The following TRHDE variants were observed in gnomAD, a reference collection of about 807,000 sequenced individuals.
TRHDE encodes the protein thyrotropin releasing hormone degrading enzyme.
A neutral mutation model predicts 125.7 loss-of-function variants in TRHDE; 72 were observed. The observed-to-expected ratio is 0.57, with a 90% CI of 0.47 to 0.70. The LOEUF (loss-of-function observed/expected upper bound fraction) is 0.70, where lower values mean the gene tolerates loss of function less well. TRHDE is among the 30% of genes least tolerant of loss of function. The pLI, the probability that TRHDE is intolerant of heterozygous loss-of-function variation, is 0.00. For synonymous variants in TRHDE, 509 were observed against 509.1 expected (o/e 1.00, Z 0.00); for missense variants, 1,110 against 1,327.1 (o/e 0.84, Z 2.54).
In TRHDE at chr12:72,253,297, T is replaced by C. The variant is rs117001811; in HGVS notation, n.280-124698T>C. Among the ~76,000 whole-genome samples the C allele has an allele frequency of 5.3e-3, 808 of 152,232 alleles. 4 individuals are homozygous for C. Among genetic ancestry groups the C allele is most frequent in the Middle Eastern group, 0.034 (10 of 294 alleles). On this transcript the variant is annotated intron_variant and non_coding_transcript_variant, in intron 2 of 4. Transcript: ENST00000548156. Reference sequence around the variant, plus strand: ...TGGGTTTACTAAATAGACAATCATGTCATCTGCACACAGGGACTATTTTAA... The same window carrying C: ...TGGGTTTACTAAATAGACAATCATGCCATCTGCACACAGGGACTATTTTAA...
At chr12:72,203,483 T>TA (rs774123378) in intron 2 of TRHDE, among the ~76,000 whole-genome samples, 29 of 149,950 alleles carry the variant, frequency 1.9e-4, no homozygotes, top group Admixed American at 1.5e-3. Context: ...AAATAAAAAA[T>TA]AAAAAAAAAG....
chr12:72,180,344 A>G (rs1353388174), intron 2 of TRHDE, among the ~76,000 whole-genome samples: 1 of 152,166 alleles, frequency 6.6e-6, no homozygotes, highest in Non-Finnish European at 1.5e-5. Flanking sequence ...AAGAATTAAC[A>G]TTAAAAACAC....
chr12:72,520,416 C>T (rs543634940), intron 6 of TRHDE, among the ~76,000 whole-genome samples: 3 of 152,168 alleles, frequency 2.0e-5, no homozygotes, highest in Non-Finnish European at 2.9e-5. Flanking sequence ...AGGTGCCGAC[C>T]GTCACGCCTT....
chr12:72,273,393 A>G lies in TRHDE; in HGVS notation c.750A>G (p.Val250=), dbSNP rs761369735. The change falls in exon 1 of 19, where the codon GTA becomes GTG. Residue 250 remains valine (V), a synonymous_variant. Coordinates refer to ENST00000261180, the MANE Select transcript of TRHDE (RefSeq NM_013381.3). The surrounding 1 kb of genome is among the most constrained non-coding windows in gnomAD (Gnocchi z 5.3). ...AEDRAFGAVP[V]AGFFLYPQTQ... is the part of the protein sequence containing the mutation. ...ACCGGGCGTTCGGGGCTGTCCCTGT[A>G]GCCGGTTTTTTCCTCTACCCGCAAA... The G allele has an allele frequency of 6.2e-7, 1 of 1,614,154 alleles. No homozygotes were observed. The highest frequency in any genetic ancestry group is 8.5e-7 in the Non-Finnish European group (1 of 1,180,040).
upstream of TRHDE, among the ~76,000 whole-genome samples, chr12:72,269,163 A>T (rs1045702079): frequency 2.6e-5 from 4 of 152,128 alleles, no homozygotes; most frequent in Non-Finnish European, 5.9e-5. Flanking sequence ...TCTAGAAAAA[A>T]TAATATTTAA....
chr12:72,492,888 T>G (rs905177927), intron 5 of TRHDE, among the ~76,000 whole-genome samples: 37 of 152,034 alleles, frequency 2.4e-4, no homozygotes, highest in African/African-American at 7.5e-4. Context: ...GAAAGCATTT[T>G]AACTCATAAC....
At chr12:72,440,158 T>C (rs1285476197) in intron 3 of TRHDE, among the ~76,000 whole-genome samples, 1 of 152,026 alleles carries the variant, frequency 6.6e-6, no homozygotes, top group Non-Finnish European at 1.5e-5. Flanking sequence ...GTATTCGATT[T>C]GCTAGTATTT....
Position 72,509,764 on chromosome 12 carries a change from C to T in TRHDE, c.1722+10129C>T, listed in dbSNP as rs1242023976. ...CAGAGATCTATGTCTAGGTTTATCA[C>T]TAATGTATCTCCAATACCTATTATA... On this transcript the variant is annotated intron_variant, in intron 6 of 18. Transcript: ENST00000261180. Among the ~76,000 whole-genome samples, 4 of 152,166 alleles carry T rather than the reference C, an allele frequency of 2.6e-5. 1 individual carries two copies. Among genetic ancestry groups the T allele is most frequent in the South Asian group, 4.1e-4 (2 of 4,826 alleles).
At chr12:72,282,414 C>T (rs1367490731) in intron 1 of TRHDE, among the ~76,000 whole-genome samples, 1 of 152,112 alleles carries the variant, frequency 6.6e-6, no homozygotes, top group Non-Finnish European at 1.5e-5. Context: ...TTTTTAATGA[C>T]AGTAAGCAGA....
In TRHDE at chr12:72,273,583, C is replaced by T; in HGVS notation, c.914+26C>T. ...GTATGGAGGGAGGCGGTGCCCCGCGCTGCCCCACCCCGGCGCGCGGCTCGA... is the reference window on the plus strand; with the variant it reads ...GTATGGAGGGAGGCGGTGCCCCGCGTTGCCCCACCCCGGCGCGCGGCTCGA... On this transcript the variant is annotated intron_variant, in intron 1 of 18. Coordinates refer to ENST00000261180, the MANE Select transcript of TRHDE (RefSeq NM_013381.3). This position sits in a 1 kb window ranked among gnomAD's most constrained non-coding sequence, Gnocchi z 5.3. 2 of 1,553,036 alleles carry T rather than the reference C, an allele frequency of 1.3e-6. No homozygotes were observed. The highest frequency in any genetic ancestry group is 1.7e-6 in the Non-Finnish European group (2 of 1,150,462).
At chr12:72,336,676 G>A (rs1395434870) in intron 2 of TRHDE, among the ~76,000 whole-genome samples, 1 of 152,170 alleles carries the variant, frequency 6.6e-6, no homozygotes, top group East Asian at 1.9e-4. Flanking sequence ...ATCTGGTGAG[G>A]GCCTTTGTGC....
At chr12:72,617,469 G>A (rs1242986214) in intron 12 of TRHDE, among the ~76,000 whole-genome samples, 2 of 152,060 alleles carry the variant, frequency 1.3e-5, no homozygotes, top group East Asian at 1.9e-4. Context: ...AAAAGTCTCC[G>A]TTTCCTCCCT....
intron 3 of TRHDE, among the ~76,000 whole-genome samples, chr12:72,424,533 T>C (rs546824125): frequency 6.6e-6 from 1 of 152,296 alleles, no homozygotes; most frequent in African/African-American, 2.4e-5. Flanking sequence ...AATTATAAGA[T>C]AATCAATTTG....
At chr12:72,114,133 C>T (rs551346409) in intron 2 of TRHDE, among the ~76,000 whole-genome samples, 1 of 147,856 alleles carries the variant, frequency 6.8e-6, no homozygotes, top group East Asian at 2.0e-4. Context: ...TAGGTTTATG[C>T]CAGGGGCTCC....
intron 2 of TRHDE, among the ~76,000 whole-genome samples, chr12:72,265,339 T>A (rs1309290646): frequency 6.6e-6 from 1 of 151,940 alleles, no homozygotes; most frequent in Non-Finnish European, 1.5e-5. Flanking sequence ...GAGAGTAACT[T>A]CTGAGCCTGT....
chr12:72,309,167 C>T (rs1868422467), intron 2 of TRHDE, among the ~76,000 whole-genome samples: 1 of 152,028 alleles, frequency 6.6e-6, no homozygotes, highest in African/African-American at 2.4e-5. Context: ...AGCTAGTACA[C>T]TGAGTTTGAG....
chr12:72,272,974 G>A lies in TRHDE; in HGVS notation c.331G>A (p.Asp111Asn). The change falls in exon 1 of 19, where the codon GAC becomes AAC. Residue 111 changes from aspartate (D) to asparagine (N), a missense_variant. Coordinates refer to ENST00000261180, the MANE Select transcript of TRHDE (RefSeq NM_013381.3). The surrounding 1 kb of genome is among the most constrained non-coding windows in gnomAD (Gnocchi z 6.7). ...MLAVLLSLRFDECGASATPGA... is the reference protein window; with the variant it reads ...MLAVLLSLRFNECGASATPGA... The stretch of plus-strand genomic sequence containing the variant: ...CGCTGTGCTGCTCAGCCTGCGCTTC[G>A]ACGAGTGCGGGGCGAGTGCCACGCC... 1 of 1,561,752 alleles carries A rather than the reference G, an allele frequency of 6.4e-7. No individual in the cohort carries two copies. The highest frequency in any genetic ancestry group is 8.6e-7 in the Non-Finnish European group (1 of 1,160,498).
chr12:72,248,530 A>G, intron 2 of TRHDE, among the ~76,000 whole-genome samples: 1 of 151,138 alleles, frequency 6.6e-6, no homozygotes, highest in East Asian at 1.9e-4. Flanking sequence ...TCCCTCTTAC[A>G]TTTTCTGAGA....
chr12:72,271,543 A>G (rs1475747549), upstream of TRHDE, among the ~76,000 whole-genome samples: 1 of 152,028 alleles, frequency 6.6e-6, no homozygotes, highest in Non-Finnish European at 1.5e-5. Context: ...GTCTGGTGTG[A>G]CAGAGCGGAG....
Sources: allele counts gnomAD v4.1 joint callset (sites outside exome capture counted in the v4.1 genomes callset), GRCh38; gene constraint gnomAD v4.1.1; non-coding constraint Gnocchi (gnomAD v3.1); transcripts MANE v1.5; gene names NCBI Gene and HGNC (gene_info 2026-07-23, HGNC 2026-07-21).